ESRRB: variants seen among roughly 807,000 people sequenced by gnomAD.
ESRRB encodes steroid hormone receptor ERR2.
In ESRRB, 16 loss-of-function variants were observed where a neutral mutation model predicts 46.0. The ratio of observed to expected loss-of-function variants is 0.35; its 90% CI spans 0.24 to 0.53. The LOEUF (loss-of-function observed/expected upper bound fraction) is 0.53. Ranked by LOEUF, ESRRB falls within the 20% of genes least tolerant of loss-of-function variation. The pLI, the probability that ESRRB is intolerant of heterozygous loss-of-function variation, is 0.93. For synonymous variants in ESRRB, 246 were observed against 259.6 expected (o/e 0.95, Z 0.50); for missense variants, 488 against 607.4 (o/e 0.80, Z 2.07).
intron 1 of ESRRB, among the ~76,000 whole-genome samples, chr14:76,358,393 AAGAAAGAAAGAAAG>A: frequency 8.2e-6 from 1 of 121,966 alleles, no homozygotes; most frequent in East Asian, 2.2e-4. Context: ...GAAAGAAAGA[AAGAAAGAAAGAAAG>A]AAAGAAAAGA....
At chr14:76,360,899 C>A (rs1016975658) in intron 1 of ESRRB, among the ~76,000 whole-genome samples, 6 of 152,166 alleles carry the variant, frequency 3.9e-5, no homozygotes, top group African/African-American at 1.4e-4. Context: ...CTCATTTCCC[C>A]CCGGCCAGAC....
At chr14:76,390,962 T>C (rs1295627301) in intron 1 of ESRRB, among the ~76,000 whole-genome samples, 1 of 152,150 alleles carries the variant, frequency 6.6e-6, no homozygotes, top group Non-Finnish European at 1.5e-5. Context: ...GGAGGCTCTG[T>C]GTGTGGCTGC....
intron 1 of ESRRB, among the ~76,000 whole-genome samples, chr14:76,329,047 G>A (rs1177650111): frequency 6.6e-6 from 1 of 152,178 alleles, no homozygotes; most frequent in Non-Finnish European, 1.5e-5. Context: ...GGTTATGGGA[G>A]TGGGAGGGTA....
In ESRRB at chr14:76,479,687, C is replaced by T. The variant is rs895060875; in HGVS notation, c.578-2329C>T. ...GGGAGGCGCTGCTGGTCTGATCAGT[C>T]CTCACCTTCGCTCTGTCCTTGTGCC... is the stretch of plus-strand genomic sequence containing the variant. On this transcript the variant is annotated intron_variant, in intron 3 of 6. Coordinates refer to ENST00000644823, the MANE Select transcript of ESRRB (RefSeq NM_001379180.1). Among the ~76,000 whole-genome samples the T allele has an allele frequency of 2.0e-5, 3 of 152,156 alleles. No homozygotes were observed. The East Asian group carries it at 5.8e-4, about 29-fold the overall frequency.
At chr14:76,470,255 A>AGGCTTCTAAAAGAAGGAGACTCCCTTTT (rs1383333530) in intron 3 of ESRRB, among the ~76,000 whole-genome samples, 1 of 152,140 alleles carries the variant, frequency 6.6e-6, no homozygotes, top group Non-Finnish European at 1.5e-5. Flanking sequence ...AGGCCACGCT[A>AGGCTTCTAAAAGAAGGAGACTCCCTTTT]GGCTTCTAAA....
At chr14:76,471,232 A>T (rs1383604588) in intron 3 of ESRRB, among the ~76,000 whole-genome samples, 1 of 152,110 alleles carries the variant, frequency 6.6e-6, no homozygotes, top group African/African-American at 2.4e-5. Flanking sequence ...CATGGTCATG[A>T]CCCTGGTCCA....
chr14:76,500,640 G>A lies in ESRRB; in HGVS notation c.*2182G>A. ...CTGTCACTTCCTGCTCAAGCTGGAGGACCCAGGCGGCAGGGCATCATGCCC... is the reference window on the plus strand; with the variant it reads ...CTGTCACTTCCTGCTCAAGCTGGAGAACCCAGGCGGCAGGGCATCATGCCC... On this transcript the variant is annotated 3_prime_UTR_variant, in exon 7 of 7. Transcript: ENST00000644823. The A allele has an allele frequency of 6.2e-7, 1 of 1,600,418 alleles. No homozygotes were observed. Among genetic ancestry groups the A allele is most frequent in the South Asian group, 1.1e-5 (1 of 90,818 alleles).
intron 1 of ESRRB, among the ~76,000 whole-genome samples, chr14:76,427,818 A>G (rs1887268451): frequency 6.6e-6 from 1 of 152,078 alleles, no homozygotes; most frequent in Admixed American, 6.6e-5. Flanking sequence ...TCACATCCCC[A>G]TTTTACAGAT....
At chr14:76,399,664 C>A (rs1218305342) in intron 1 of ESRRB, among the ~76,000 whole-genome samples, 1 of 152,176 alleles carries the variant, frequency 6.6e-6, no homozygotes, top group African/African-American at 2.4e-5. Context: ...GGATGTGACT[C>A]TATTTCTCAG....
At chr14:76,374,116 C>T (rs557213995), upstream of ESRRB, among the ~76,000 whole-genome samples, 5 of 152,340 alleles carry the variant, frequency 3.3e-5, no homozygotes, top group African/African-American at 1.2e-4. Flanking sequence ...TGGCACCCCA[C>T]TCCAAACTCC....
chr14:76,373,379 C>T (rs369614720), upstream of ESRRB, among the ~76,000 whole-genome samples: 11 of 152,250 alleles, frequency 7.2e-5, no homozygotes, highest in African/African-American at 2.6e-4. Flanking sequence ...GAAGAGATGA[C>T]TTTGGCAAGG....
chr14:76,420,610 AG>A (rs1237049746), intron 1 of ESRRB, among the ~76,000 whole-genome samples: 1 of 145,534 alleles, frequency 6.9e-6, no homozygotes, highest in African/African-American at 2.6e-5. Context: ...TATGAGAGAG[AG>A]AGAGAGAGAC....
At chr14:76,330,139 C>A (rs1883995438) in intron 1 of ESRRB, among the ~76,000 whole-genome samples, 1 of 152,034 alleles carries the variant, frequency 6.6e-6, no homozygotes, top group Admixed American at 6.6e-5. Context: ...CATTCCCCAC[C>A]GCAGGCCAGG....
intron 5 of ESRRB, among the ~76,000 whole-genome samples, chr14:76,486,996 T>C (rs1890046690): frequency 6.6e-6 from 1 of 152,160 alleles, no homozygotes; most frequent in Non-Finnish European, 1.5e-5. Context: ...AGTAAAGATA[T>C]CAGATGGGAC....
intron 1 of ESRRB, chr14:76,407,270 TC>T (rs1886228501): frequency 6.6e-6 from 1 of 152,264 alleles, no homozygotes; most frequent in South Asian, 2.1e-4. Flanking sequence ...CTGCTGGTCA[TC>T]AGCCTATGCT....
Position 76,500,867 on chromosome 14 carries a change from T to C in ESRRB, c.*2409T>C. On this transcript the variant is annotated 3_prime_UTR_variant, in exon 7 of 7. Transcript: ENST00000644823. ...TGGTTGGTGTCCATGAGGTGGAAGC[T>C]GCTTTTATACTTAAAACTCAGATCA... The C allele has an allele frequency of 1.2e-6, 1 of 823,290 alleles. No homozygotes were observed. The highest frequency in any genetic ancestry group is 2.1e-6 in the Non-Finnish European group (1 of 474,062). 51.0% of individuals were successfully genotyped at this position (823,290 alleles called of 1,614,324 possible). A position where few individuals can be genotyped will look rare whatever the true frequency, so the allele number is the denominator to read the frequency against.
intron 6 of ESRRB, among the ~76,000 whole-genome samples, chr14:76,493,809 G>GCATC (rs1396395165): frequency 6.6e-6 from 1 of 152,208 alleles, no homozygotes; most frequent in Non-Finnish European, 1.5e-5. Flanking sequence ...CTGGGTTAGT[G>GCATC]CATCCATCCC....
At position 76,501,837 on chromosome 14, in the gene ESRRB, A is replaced by T. The variant is rs568398827; in HGVS notation, c.*3379A>T. On this transcript the variant is annotated 3_prime_UTR_variant, in exon 7 of 7. Transcript: ENST00000644823. ...TGGAATCTAATAAATAAGGAAAGGA[A>T]CTATTGAGTTTCTTCACACATTGTC... is the stretch of plus-strand genomic sequence containing the variant. 1 of 152,230 alleles carries T rather than the reference A, an allele frequency of 6.6e-6. No homozygotes were observed. Among genetic ancestry groups the T allele is most frequent in the Admixed American group, 6.5e-5 (1 of 15,300 alleles). 9.4% of individuals were successfully genotyped at this position (152,230 alleles called of 1,614,324 possible).
At chr14:76,497,160 G>A (rs1469141197) in intron 6 of ESRRB, among the ~76,000 whole-genome samples, 2 of 152,096 alleles carry the variant, frequency 1.3e-5, no homozygotes, top group South Asian at 2.1e-4. Flanking sequence ...GGCCGAGAGT[G>A]TAGGATTAGG....
Sources: allele counts gnomAD v4.1 joint callset (sites outside exome capture counted in the v4.1 genomes callset), GRCh38; gene constraint gnomAD v4.1.1; transcripts MANE v1.5; gene names NCBI Gene and HGNC (gene_info 2026-07-23, HGNC 2026-07-21).